Variants in SLC44A1 observed in about 807,000 individuals in gnomAD.
The protein encoded by SLC44A1 is choline transporter-like protein 1.
SLC44A1 carries 26 observed loss-of-function variants against 79.3 expected under a neutral mutation model. That is an observed-to-expected ratio of 0.33 (90% CI 0.24 to 0.46). The LOEUF is 0.46. Ranked by LOEUF, SLC44A1 falls within the 20% of genes least tolerant of loss-of-function variation. SLC44A1 has a pLI of 1.00. For missense variants in SLC44A1, 688 were observed against 798.1 expected (o/e 0.86, Z 1.66); for synonymous variants, 263 against 286.2 (o/e 0.92, Z 0.82).
At chr9:105,383,011 C>A in intron 13 of SLC44A1, 112 bp from the exon 14 acceptor site, 1 of 709,170 alleles carries the variant, frequency 1.4e-6, no homozygotes, top group South Asian at 1.7e-5. Context: ...GATGGAATGG[C>A]CTCATGCAAC....
intron 13 of SLC44A1, among the ~76,000 whole-genome samples, chr9:105,379,532 A>C (rs371129129): frequency 1.9e-3 from 290 of 152,314 alleles, no homozygotes; most frequent in Non-Finnish European, 3.6e-3. Flanking sequence ...TTACAACTGC[A>C]TGTGAATTCA....
intron 12 of SLC44A1, among the ~76,000 whole-genome samples, chr9:105,373,159 G>T (rs1169728941): frequency 5.3e-5 from 8 of 151,950 alleles, no homozygotes; most frequent in Non-Finnish European, 1.2e-4. Context: ...ATCTCTCCTG[G>T]GCTCAGTGGT....
chr9:105,247,149 A>T, intron 1 of SLC44A1, among the ~76,000 whole-genome samples: 1 of 149,794 alleles, frequency 6.7e-6, no homozygotes, highest in Non-Finnish European at 1.5e-5. Context: ...GTGAAATGTT[A>T]CTAATCGGCT....
At chr9:105,265,249 A>G (rs1263115966) in intron 1 of SLC44A1, among the ~76,000 whole-genome samples, 2 of 152,236 alleles carry the variant, frequency 1.3e-5, no homozygotes, top group Non-Finnish European at 2.9e-5. Flanking sequence ...CACCAGTAGC[A>G]AGATACAGAA....
chr9:105,307,439 T>A (rs111450827), intron 2 of SLC44A1, among the ~76,000 whole-genome samples: 6 of 151,964 alleles, frequency 3.9e-5, no homozygotes, highest in African/African-American at 1.5e-4. Flanking sequence ...AGGTCAGGAG[T>A]TTGAGACCAG....
At chr9:105,365,444 G>T (rs1457135566) in intron 10 of SLC44A1, 39 bp from the exon 11 acceptor site, 3 of 1,543,610 alleles carry the variant, frequency 1.9e-6, no homozygotes, top group Non-Finnish European at 1.8e-6. Context: ...CCTGATCTAG[G>T]CTTTGTTTTA....
At chr9:105,399,050 G>A (rs1036282412), downstream of SLC44A1, among the ~76,000 whole-genome samples, 11 of 152,102 alleles carry the variant, frequency 7.2e-5, no homozygotes, top group African/African-American at 1.9e-4. Context: ...GGTTGGACAA[G>A]CTTGCTCTAC....
intron 13 of SLC44A1, among the ~76,000 whole-genome samples, chr9:105,382,255 T>C (rs1828490292): frequency 6.6e-6 from 1 of 152,188 alleles, no homozygotes; most frequent in Non-Finnish European, 1.5e-5. Context: ...ATATTTGCCA[T>C]AAACCATTCA....
chr9:105,404,833 T>C (rs78444261), intron 15 of SLC44A1, among the ~76,000 whole-genome samples: 1,609 of 152,336 alleles, frequency 0.011, 25 homozygotes, highest in African/African-American at 0.036. Context: ...CAAAAGCTTT[T>C]TGAGGCTCAG....
At chr9:105,278,147 T>C (rs367623786) in intron 1 of SLC44A1, among the ~76,000 whole-genome samples, 3 of 151,434 alleles carry the variant, frequency 2.0e-5, no homozygotes, top group African/African-American at 7.3e-5. Context: ...CTGCAACCTC[T>C]GCCTCCCAGG....
At chr9:105,305,789 T>C (rs1310138128) in intron 2 of SLC44A1, among the ~76,000 whole-genome samples, 1 of 151,954 alleles carries the variant, frequency 6.6e-6, no homozygotes, top group Non-Finnish European at 1.5e-5. Context: ...CTCAGTTACT[T>C]AGTAAAAGCT....
chr9:105,339,103 A>G (rs190824507), intron 4 of SLC44A1, among the ~76,000 whole-genome samples: 197 of 152,358 alleles, frequency 1.3e-3, no homozygotes, highest in Middle Eastern at 3.4e-3. Context: ...CATAAGTTGG[A>G]TTACATCAAT....
Position 105,244,856 on chromosome 9 carries a change from CT to C in SLC44A1, c.-11del. The C allele has an allele frequency of 8.8e-7, 1 of 1,139,652 alleles. No individual in the cohort carries two copies. The highest frequency in any genetic ancestry group is 1.1e-6 in the Non-Finnish European group (1 of 930,560). The allele number at this position is 1,139,652 out of a possible 1,614,324, so 70.6% of individuals were successfully genotyped here. A position where few individuals can be genotyped will look rare whatever the true frequency, so the allele number is the denominator to read the frequency against. On this transcript the variant is annotated 5_prime_UTR_variant, in exon 1 of 16. Coordinates refer to ENST00000374720, the MANE Select transcript of SLC44A1 (RefSeq NM_080546.5). ...CGCGCCCGGCGCCGCCTCCGGGCTCCTTCGGCCCCGCCATGGGCTGCTGCAG... is the reference window on the plus strand; with the variant it reads ...CGCGCCCGGCGCCGCCTCCGGGCTCCTCGGCCCCGCCATGGGCTGCTGCAG...
intron 15 of SLC44A1, among the ~76,000 whole-genome samples, chr9:105,387,919 C>G (rs1469677082): frequency 2.0e-5 from 3 of 152,116 alleles, no homozygotes; most frequent in Non-Finnish European, 4.4e-5. Context: ...GAGTTGTTTC[C>G]TATTAGTATT....
chr9:105,434,743 T>G (rs1478272001), intron 15 of SLC44A1, among the ~76,000 whole-genome samples: 1 of 152,198 alleles, frequency 6.6e-6, no homozygotes, highest in Admixed American at 6.5e-5. Context: ...TGTTCAAGGA[T>G]AGTAGGAAAG....
At chr9:105,379,444 T>G (rs1179359111) in intron 13 of SLC44A1, among the ~76,000 whole-genome samples, 1 of 152,184 alleles carries the variant, frequency 6.6e-6, no homozygotes, top group Non-Finnish European at 1.5e-5. Context: ...GGTTGTGATA[T>G]CAGTATGCTA....
intron 3 of SLC44A1, among the ~76,000 whole-genome samples, chr9:105,326,550 T>C (rs1826583093): frequency 6.6e-6 from 1 of 152,250 alleles, no homozygotes; most frequent in African/African-American, 2.4e-5. Context: ...TTCCATGCCT[T>C]TGCTTTGCAA....
chr9:105,403,151 C>G (rs1257092025), intron 15 of SLC44A1, among the ~76,000 whole-genome samples: 1 of 151,890 alleles, frequency 6.6e-6, no homozygotes. Flanking sequence ...AATATAAAAG[C>G]AAAGACATAA....
intron 15 of SLC44A1, among the ~76,000 whole-genome samples, chr9:105,435,972 C>T (rs111596622): frequency 0.013 from 1,914 of 152,310 alleles, 28 homozygotes; most frequent in African/African-American, 0.037. Context: ...CCAAGGCCTG[C>T]GGACCACCTG....
Sources: allele counts gnomAD v4.1 joint callset (sites outside exome capture counted in the v4.1 genomes callset), GRCh38; gene constraint gnomAD v4.1.1; transcripts MANE v1.5; gene names NCBI Gene and HGNC (gene_info 2026-07-23, HGNC 2026-07-21).